VPS8: variants seen among roughly 807,000 people sequenced by gnomAD.
VPS8 encodes VPS8 subunit of CORVET complex.
VPS8 carries 129 observed loss-of-function variants against 216.4 expected under a neutral mutation model. That is an observed-to-expected ratio of 0.60 (90% CI 0.52 to 0.69). The LOEUF is 0.69. Ranked by LOEUF, VPS8 falls within the 30% of genes least tolerant of loss-of-function variation. The probability of loss-of-function intolerance (pLI) is 0.00; values close to 1 mark genes in which losing one functional copy is unlikely to be tolerated. For synonymous variants in VPS8, 571 were observed against 565.4 expected (o/e 1.01, Z -0.14); for missense variants, 1,531 against 1,683.5 (o/e 0.91, Z 1.59).
intron 45 of VPS8, among the ~76,000 whole-genome samples, chr3:185,017,645 C>A (rs1367688519): frequency 2.0e-5 from 3 of 152,202 alleles, no homozygotes; most frequent in Non-Finnish European, 4.4e-5. Flanking sequence ...GTAATCCTAT[C>A]GTCCCCGCTG....
chr3:184,837,804 A>C (rs1174118786), intron 5 of VPS8, among the ~76,000 whole-genome samples: 1 of 152,198 alleles, frequency 6.6e-6, no homozygotes, highest in African/African-American at 2.4e-5. Context: ...GGAAGCTCTG[A>C]GTTTGAGATG....
intron 45 of VPS8, among the ~76,000 whole-genome samples, chr3:185,012,474 A>G (rs2110003310): frequency 6.6e-6 from 1 of 151,190 alleles, no homozygotes; most frequent in Non-Finnish European, 1.5e-5. Context: ...AATATCTGAA[A>G]TTTTCCCAAA....
intron 21 of VPS8, among the ~76,000 whole-genome samples, chr3:184,871,530 C>T: frequency 6.6e-6 from 1 of 151,982 alleles, no homozygotes; most frequent in East Asian, 1.9e-4. Flanking sequence ...ACATCTTTTT[C>T]TTCCTTTCTT....
At chr3:184,994,130 G>C (rs1318626286) in intron 43 of VPS8, 67 bp downstream of exon 43, 6 of 1,202,878 alleles carry the variant, frequency 5.0e-6, no homozygotes, top group African/African-American at 1.6e-5. Context: ...TTTTAATTTT[G>C]TACCTATACT....
intron 11 of VPS8, among the ~76,000 whole-genome samples, chr3:184,853,349 A>G (rs763035258): frequency 9.9e-5 from 15 of 152,218 alleles, no homozygotes; most frequent in Non-Finnish European, 2.1e-4. Flanking sequence ...GGATTGCACT[A>G]GGTTGTACTT....
intron 14 of VPS8, among the ~76,000 whole-genome samples, chr3:184,857,876 A>G (rs182618398): frequency 2.0e-5 from 3 of 152,326 alleles, no homozygotes; most frequent in Admixed American, 2.0e-4. Flanking sequence ...GAACTTAGAT[A>G]TATGGCTCTA....
chr3:184,953,565 C>CCTTAT lies in VPS8; in HGVS notation c.3036-3806_3036-3802dup, dbSNP rs1019302133. Among the ~76,000 whole-genome samples the CCTTAT allele has an allele frequency of 5.3e-5, 8 of 152,168 alleles. No individual in the cohort carries two copies. The South Asian group carries it at 1.0e-3, about 20-fold the overall frequency. ...GACAGAGCTCAGTCCTCAGGGGCCC[C>CCTTAT]CTTATCTGAGTTCTGCATGACAGTG... On this transcript the variant is annotated intron_variant, in intron 36 of 47. Coordinates refer to ENST00000625842, the MANE Select transcript of VPS8 (RefSeq NM_001009921.3).
chr3:184,891,164 G>A (rs1228639714), intron 22 of VPS8, among the ~76,000 whole-genome samples: 2 of 152,076 alleles, frequency 1.3e-5, no homozygotes, highest in African/African-American at 4.8e-5. Context: ...TGATACCGAC[G>A]ACTTTGAGTT....
chr3:185,010,468 T>C (rs1312817423), intron 45 of VPS8, among the ~76,000 whole-genome samples: 3 of 151,982 alleles, frequency 2.0e-5, no homozygotes, highest in African/African-American at 7.3e-5. Flanking sequence ...GATAAGGACA[T>C]TCAAAGTTAT....
chr3:184,869,616 G>A (rs1727974796), intron 20 of VPS8, 88 bp downstream of exon 20: 1 of 1,319,560 alleles, frequency 7.6e-7, no homozygotes, highest in African/African-American at 1.5e-5. Context: ...GTAGATAAAT[G>A]GCTACAATCT....
At chr3:185,021,132 T>C (rs1335989913) in intron 45 of VPS8, among the ~76,000 whole-genome samples, 3 of 152,180 alleles carry the variant, frequency 2.0e-5, no homozygotes, top group Non-Finnish European at 2.9e-5. Context: ...AAACTTCAGC[T>C]CAGATTGCTT....
intron 45 of VPS8, among the ~76,000 whole-genome samples, chr3:185,017,071 A>G (rs1018826144): frequency 2.6e-5 from 4 of 152,088 alleles, no homozygotes; most frequent in Admixed American, 2.0e-4. Flanking sequence ...TGAGGGCTAT[A>G]TAATTGTTCT....
chr3:184,976,710 G>T (rs1030489321), intron 40 of VPS8, among the ~76,000 whole-genome samples: 1 of 152,118 alleles, frequency 6.6e-6, no homozygotes, highest in Non-Finnish European at 1.5e-5. Flanking sequence ...ATGAGAACAC[G>T]TGGTATTTGG....
intron 42 of VPS8, among the ~76,000 whole-genome samples, chr3:184,984,183 C>CAAAA (rs1453935100): frequency 0.014 from 39 of 2,886 alleles, 19 homozygotes; most frequent in South Asian, 0.048. Flanking sequence ...GACTCCGTCT[C>CAAAA]AAAAAAAAAA....
At chr3:184,986,026 C>A (rs1751019159) in intron 42 of VPS8, among the ~76,000 whole-genome samples, 1 of 152,016 alleles carries the variant, frequency 6.6e-6, no homozygotes, top group Admixed American at 6.6e-5. Context: ...TGTGAAATAC[C>A]CTAGCATCTT....
At chr3:184,985,995 C>T (rs1271777397) in intron 42 of VPS8, among the ~76,000 whole-genome samples, 2 of 152,158 alleles carry the variant, frequency 1.3e-5, no homozygotes, top group Non-Finnish European at 2.9e-5. Flanking sequence ...TAAGACTTAC[C>T]AGCATTCCTC....
chr3:185,039,567 G>C (rs2108499243), intron 46 of VPS8, among the ~76,000 whole-genome samples: 1 of 151,922 alleles, frequency 6.6e-6, no homozygotes, highest in African/African-American at 2.4e-5. Flanking sequence ...ATTATAAATT[G>C]ACTAACAGGG....
chr3:184,839,956 C>T (rs2108591782), intron 7 of VPS8: 1 of 1,283,256 alleles, frequency 7.8e-7, no homozygotes, highest in East Asian at 3.1e-5. Flanking sequence ...TTATTTTCTT[C>T]TTCATGAATT....
intron 25 of VPS8, among the ~76,000 whole-genome samples, chr3:184,910,128 ATTTTTTTTT>A (rs10707371): frequency 2.3e-5 from 2 of 87,262 alleles, no homozygotes; most frequent in African/African-American, 9.1e-5. Context: ...AGATTCTCCT[ATTTTTTTTT>A]TTTTTTTTTT....
Sources: gnomAD v4.1 joint callset for allele counts (sites outside exome capture counted in the v4.1 genomes callset) on GRCh38, gnomAD v4.1.1 for gene constraint, MANE v1.5 for transcripts, NCBI Gene and HGNC (gene_info 2026-07-23, HGNC 2026-07-21) for gene names.